The following CORO2A variants were observed in gnomAD, a reference collection of about 807,000 sequenced individuals.
The protein encoded by CORO2A is coronin-2A.
A neutral mutation model predicts 62.4 loss-of-function variants in CORO2A; 47 were observed. The observed-to-expected ratio is 0.75, with a 90% CI of 0.60 to 0.96. The LOEUF is 0.96. Ranked by LOEUF, CORO2A falls within the 40% of genes least tolerant of loss-of-function variation. The pLI, the probability that CORO2A is intolerant of heterozygous loss-of-function variation, is 0.00. For missense variants in CORO2A, 610 were observed against 684.1 expected (o/e 0.89, Z 1.21); for synonymous variants, 273 against 268.9 (o/e 1.02, Z -0.15).
intron 3 of CORO2A, among the ~76,000 whole-genome samples, 165 bp downstream of exon 3, chr9:98,137,407 C>T (rs1210839551): frequency 6.6e-6 from 1 of 152,108 alleles, no homozygotes; most frequent in Admixed American, 6.5e-5. Flanking sequence ...TCCTACAGCA[C>T]CAAGAATGTC....
intron 2 of CORO2A, among the ~76,000 whole-genome samples, chr9:98,156,261 A>AACTCTTG (rs1827801812): frequency 6.6e-6 from 1 of 152,028 alleles, no homozygotes; most frequent in Non-Finnish European, 1.5e-5. Context: ...GCTGGTCTCA[A>AACTCTTG]ACTCTTGGGC....
Position 98,132,279 on chromosome 9 carries a change from C to T in CORO2A, c.671G>A (p.Arg224Gln), listed in dbSNP as rs201025593. Residue 224 changes from arginine to glutamine, a missense_variant, in exon 6 of 12, where the codon CGG becomes CAG. Arg to Gln is a conservative substitution (Grantham distance 43, BLOSUM62 1). Coordinates refer to ENST00000375077, the MANE Select transcript of CORO2A (RefSeq NM_052820.4). ...VLQEASYKGH[R>Q]ASKVLFLGNL... ...CCCCAGAAACAGCACTTTGCTGGCC[C>T]GGTGCCCTTTGTAGCTGGCCTCCTG... 6.3e-5 allele frequency: 102 copies of T among 1,614,046 alleles called. No homozygotes were observed. The Admixed American group carries it at 8.8e-4, about 14-fold the overall frequency.
chr9:98,126,437 C>T, intron 11 of CORO2A, 112 bp downstream of exon 11: 1 of 1,409,758 alleles, frequency 7.1e-7, no homozygotes, highest in East Asian at 2.3e-5. Context: ...GGCCAGGCCA[C>T]ACAGCTGGTT....
chr9:98,171,352 G>C (rs1181350513), intron 1 of CORO2A, among the ~76,000 whole-genome samples: 1 of 152,208 alleles, frequency 6.6e-6, no homozygotes, highest in African/African-American at 2.4e-5. Flanking sequence ...CCACAAATCA[G>C]CCCTCACTCT....
intron 2 of CORO2A, among the ~76,000 whole-genome samples, chr9:98,142,946 C>T (rs568893720): frequency 3.3e-5 from 5 of 152,190 alleles, no homozygotes; most frequent in South Asian, 2.1e-4. Context: ...CAGGCAGGAG[C>T]GGACATTAGC....
chr9:98,181,333 G>GTTTTTT (rs1828174361), intron 1 of CORO2A, among the ~76,000 whole-genome samples: 1 of 122,136 alleles, frequency 8.2e-6, no homozygotes, highest in African/African-American at 3.4e-5. Flanking sequence ...TCTCTCTCTT[G>GTTTTTT]CTTTTTTTTT....
intron 7 of CORO2A, 44 bp from the exon 8 acceptor site, chr9:98,129,934 GAGCTCATC>G (rs1373347850): frequency 6.8e-7 from 1 of 1,473,988 alleles, no homozygotes; most frequent in Non-Finnish European, 9.5e-7. Context: ...TTCAGAGCTG[GAGCTCATC>G]AGCTCATCAG....
chr9:98,144,118 G>A (rs533975446), intron 2 of CORO2A, among the ~76,000 whole-genome samples: 5 of 151,960 alleles, frequency 3.3e-5, no homozygotes, highest in African/African-American at 4.8e-5. Context: ...GAGCCTGGGA[G>A]GTCCAGCCTA....
rs535031148 is a variant in CORO2A at position 98,185,648 on chromosome 9, G to A, written c.-1+6911C>T. Among the ~76,000 whole-genome samples the A allele has an allele frequency of 1.4e-4, 22 of 152,298 alleles. No homozygotes were observed. In the South Asian group the frequency reaches 3.5e-3, roughly 24 times the overall value. On this transcript the variant is annotated intron_variant, in intron 1 of 11. Coordinates refer to ENST00000375077, the MANE Select transcript of CORO2A (RefSeq NM_052820.4). The stretch of plus-strand genomic sequence containing the variant: ...GCAGTGGGCTCAATTCCCCAGCCTG[G>A]GCCAACACCGTGGTGCAGCCTTAGG...
At chr9:98,151,899 CTCTGCCTCCCGGGT>C (rs547264082) in intron 2 of CORO2A, among the ~76,000 whole-genome samples, 19 of 149,554 alleles carry the variant, frequency 1.3e-4, no homozygotes, top group African/African-American at 4.7e-4. Context: ...TCACTGCAAG[CTCTGCCTCCCGGGT>C]TCACGCCATT....
At chr9:98,132,422 C>T (rs1827421810) in intron 5 of CORO2A, 121 bp from the exon 6 acceptor site, 2 of 714,968 alleles carry the variant, frequency 2.8e-6, no homozygotes, top group Non-Finnish European at 4.9e-6. Context: ...CTTTCTCACC[C>T]CAGCTCTGCC....
At chr9:98,187,423 C>T (rs1564222312) in intron 1 of CORO2A, among the ~76,000 whole-genome samples, 1 of 149,898 alleles carries the variant, frequency 6.7e-6, no homozygotes, top group Non-Finnish European at 1.5e-5. Context: ...CACACCACTG[C>T]ACTCCAGCCT....
chr9:98,171,846 G>A (rs1451718023), intron 1 of CORO2A, among the ~76,000 whole-genome samples: 8 of 151,986 alleles, frequency 5.3e-5, no homozygotes, highest in Non-Finnish European at 1.0e-4. Context: ...GCTGAGGAGG[G>A]GGCACCTGAG....
At chr9:98,165,372 A>C (rs915779780) in intron 1 of CORO2A, among the ~76,000 whole-genome samples, 18 of 152,226 alleles carry the variant, frequency 1.2e-4, no homozygotes, top group African/African-American at 4.3e-4. Context: ...CGAACCATAG[A>C]ATAGAAATTT....
At chr9:98,133,623 C>G (rs1796569973) in intron 4 of CORO2A, among the ~76,000 whole-genome samples, 1 of 152,176 alleles carries the variant, frequency 6.6e-6, no homozygotes, top group Non-Finnish European at 1.5e-5. Context: ...TAGGACGTGA[C>G]TAGTGCCCCC....
chr9:98,192,633 G>A lies in CORO2A; in HGVS notation c.-75C>T, dbSNP rs112047739. On this transcript the variant is annotated 5_prime_UTR_variant, in exon 1 of 12. Transcript: ENST00000375077. Reference sequence around the variant, plus strand: ...GGCTCCGCGCTCCTCGCCGCCCGCCGACTCCCGGCGCCCAGAGCCGCCGCC... The same window carrying A: ...GGCTCCGCGCTCCTCGCCGCCCGCCAACTCCCGGCGCCCAGAGCCGCCGCC... 0.075 allele frequency: 11,304 copies of A among 150,136 alleles called. 522 individuals carry two copies. The highest frequency in any genetic ancestry group is 0.19 in the East Asian group (985 of 5,122). 9.3% of individuals were successfully genotyped at this position (150,136 alleles called of 1,614,324 possible). A position where few individuals can be genotyped will look rare whatever the true frequency, so the allele number is the denominator to read the frequency against.
Position 98,132,302 on chromosome 9 carries a change from C to T in CORO2A, c.649-1G>A, listed in dbSNP as rs1290608530. On this transcript the variant is annotated splice_acceptor_variant, in intron 5 of 11. Coordinates refer to ENST00000375077, the MANE Select transcript of CORO2A (RefSeq NM_052820.4). LOFTEE classifies it high-confidence loss of function. ...CCCGGTGCCCTTTGTAGCTGGCCTC[C>T]TGGAGGGACACGTGCGGTCGGTATT... 1 of 1,613,376 alleles carries T rather than the reference C, an allele frequency of 6.2e-7. No homozygotes were observed.
chr9:98,156,350 A>G (rs769024490), intron 2 of CORO2A, among the ~76,000 whole-genome samples: 25 of 152,136 alleles, frequency 1.6e-4, no homozygotes, highest in Non-Finnish European at 2.6e-4. Flanking sequence ...CTAACTTCTT[A>G]GATGGAATGT....
chr9:98,147,987 C>T (rs2118849605), intron 2 of CORO2A, among the ~76,000 whole-genome samples: 1 of 151,958 alleles, frequency 6.6e-6, no homozygotes, highest in Non-Finnish European at 1.5e-5. Flanking sequence ...TGGCTCATGC[C>T]TGTAATCCTG....
Sources: allele counts gnomAD v4.1 joint callset (sites outside exome capture counted in the v4.1 genomes callset), GRCh38; gene constraint gnomAD v4.1.1; transcripts MANE v1.5; gene names NCBI Gene and HGNC (gene_info 2026-07-23, HGNC 2026-07-21).